Variants in CRB1 observed in about 807,000 individuals in gnomAD.
The protein encoded by CRB1 is protein crumbs homolog 1.
CRB1 carries 83 observed loss-of-function variants against 120.0 expected under a neutral mutation model. That is an observed-to-expected ratio of 0.69 (90% CI 0.58 to 0.83). The LOEUF (loss-of-function observed/expected upper bound fraction) is 0.83. Ranked by LOEUF, CRB1 falls within the 40% of genes least tolerant of loss-of-function variation. The pLI is 0.00. For synonymous variants in CRB1, 625 were observed against 612.5 expected (o/e 1.02, Z -0.30); for missense variants, 1,699 against 1,687.6 (o/e 1.01, Z -0.12).
intron 8 of CRB1, among the ~76,000 whole-genome samples, chr1:197,433,270 G>T (rs1664963199): frequency 6.6e-6 from 1 of 152,048 alleles, no homozygotes; most frequent in Non-Finnish European, 1.5e-5. Context: ...CTAAGGAGTG[G>T]TTGTTATATT....
At chr1:197,400,455 C>A (rs1663005090) in intron 5 of CRB1, among the ~76,000 whole-genome samples, 2 of 146,704 alleles carry the variant, frequency 1.4e-5, no homozygotes, top group South Asian at 2.3e-4. Flanking sequence ...AGTAGCAGAA[C>A]CAGAAGTAAA....
At chr1:197,464,299 G>A (rs1666658585) in intron 11 of CRB1, among the ~76,000 whole-genome samples, 1 of 152,114 alleles carries the variant, frequency 6.6e-6, no homozygotes, top group South Asian at 2.1e-4. Flanking sequence ...AAGAACATGA[G>A]CACTGAGCAC....
At chr1:197,426,758 T>C (rs1217443027) in intron 6 of CRB1, among the ~76,000 whole-genome samples, 1 of 152,144 alleles carries the variant, frequency 6.6e-6, no homozygotes, top group Non-Finnish European at 1.5e-5. Flanking sequence ...TTTTTCCTTG[T>C]TCAACTGCCT....
chr1:197,446,115 G>A (rs1163948083), intron 11 of CRB1, among the ~76,000 whole-genome samples: 3 of 152,104 alleles, frequency 2.0e-5, no homozygotes, highest in Non-Finnish European at 4.4e-5. Flanking sequence ...ACTTTAACCC[G>A]GGAGGTGGAG....
chr1:197,242,663 T>C, the CRB1 span, among the ~76,000 whole-genome samples: 6 of 152,068 alleles, frequency 3.9e-5, no homozygotes, highest in Admixed American at 1.3e-4. Flanking sequence ...TGCCATGTTT[T>C]GTATCAGGAT....
intron 5 of CRB1, among the ~76,000 whole-genome samples, chr1:197,387,950 T>C (rs1341156705): frequency 1.3e-5 from 2 of 151,910 alleles, no homozygotes; most frequent in African/African-American, 2.4e-5. Flanking sequence ...TGAGTATTAG[T>C]ATGTATTTAT....
intron 9 of CRB1, 114 bp downstream of exon 9, chr1:197,435,726 G>T (rs1665128584): frequency 1.1e-6 from 1 of 899,378 alleles, no homozygotes; most frequent in Admixed American, 2.1e-5. Context: ...TGCTGAACAG[G>T]GTGACACTGG....
intron 5 of CRB1, among the ~76,000 whole-genome samples, chr1:197,390,844 C>T (rs960823131): frequency 6.6e-6 from 1 of 151,844 alleles, no homozygotes. Flanking sequence ...GAGACATTTC[C>T]TGTTAAAACT....
At chr1:197,322,937 G>A (rs935289349) in intron 1 of CRB1, among the ~76,000 whole-genome samples, 19 of 152,140 alleles carry the variant, frequency 1.2e-4, no homozygotes, top group African/African-American at 4.3e-4. Flanking sequence ...ACTTGGGGAA[G>A]TTATCTGACA....
chr1:197,429,567 C>G lies in CRB1; in HGVS notation c.2795C>G (p.Pro932Arg). The part of the protein sequence containing the change: ...CEEVQWCGFS[P>R]CPHGAQCQPV... ...GAGGTTCAGTGGTGTGGATTCAGCC[C>G]GTGTCCTCACGGAGCCCAGTGCCAG... Residue 932 changes from proline (P) to arginine (R), a missense_variant, in exon 8 of 12, where the codon CCG (proline) becomes CGG (arginine). Transcript: ENST00000367400. 1 of 1,613,882 alleles carries G rather than the reference C, an allele frequency of 6.2e-7. No individual in the cohort carries two copies. The highest frequency in any genetic ancestry group is 1.1e-5 in the South Asian group (1 of 91,054).
At position 197,452,411 on chromosome 1, in the gene CRB1, C is replaced by T. The variant is rs139870616; in HGVS notation, c.4005+10119C>T. On this transcript the variant is annotated intron_variant, in intron 11 of 11. Coordinates refer to ENST00000367400, the MANE Select transcript of CRB1 (RefSeq NM_201253.3). Reference sequence around the variant, plus strand: ...AAAGTACTTTAAAGAAATATGATGACGAATATCAATTGTCATTATATAGGC... The same window carrying T: ...AAAGTACTTTAAAGAAATATGATGATGAATATCAATTGTCATTATATAGGC... Among the ~76,000 whole-genome samples, 113 of 152,122 alleles carry T rather than the reference C, an allele frequency of 7.4e-4. No homozygotes were observed. In the East Asian group the frequency reaches 0.02, roughly 28 times the overall value.
At chr1:197,312,131 AAT>A (rs1192170939) in intron 1 of CRB1, among the ~76,000 whole-genome samples, 1 of 152,172 alleles carries the variant, frequency 6.6e-6, no homozygotes, top group African/African-American at 2.4e-5. Flanking sequence ...TCCCTGAAAA[AAT>A]ATGTGTATAT....
At chr1:197,351,656 T>A (rs2786101) in intron 4 of CRB1, among the ~76,000 whole-genome samples, 125,516 of 152,122 alleles carry the variant, frequency 0.83, 52,046 homozygotes, top group African/African-American at 0.9. Context: ...ATCTAGTGAG[T>A]AGATTCCTAG....
intron 5 of CRB1, among the ~76,000 whole-genome samples, chr1:197,365,391 AAGT>A (rs1661005582): frequency 6.6e-6 from 1 of 152,008 alleles, no homozygotes; most frequent in African/African-American, 2.4e-5. Context: ...CTCTTGATGG[AAGT>A]GGGGAGTCTC....
chr1:197,280,622 A>G (rs1050471392), intron 1 of CRB1, among the ~76,000 whole-genome samples: 1 of 151,950 alleles, frequency 6.6e-6, no homozygotes, highest in Non-Finnish European at 1.5e-5. Context: ...AAACTCTAAT[A>G]GGCAGTAATG....
chr1:197,317,953 TA>T (rs1434169100), intron 1 of CRB1, among the ~76,000 whole-genome samples: 2 of 151,148 alleles, frequency 1.3e-5, no homozygotes, highest in Non-Finnish European at 2.9e-5. Context: ...TTTTTTTTTG[TA>T]AAAAACCTCA....
At position 197,438,404 on chromosome 1, in the gene CRB1, C is replaced by T. The variant is rs182106164; in HGVS notation, c.3750-143C>T. ...TGGAGAAAGTGATTCTTGCATAATG[C>T]AGCACAATTAAGCATTTGTAGCTCC... On this transcript the variant is annotated intron_variant, in intron 9 of 11. Coordinates refer to ENST00000367400, the MANE Select transcript of CRB1 (RefSeq NM_201253.3). 3.1e-5 allele frequency: 30 copies of T among 961,688 alleles called. No homozygotes were observed. In the Admixed American group the frequency reaches 4.8e-4, roughly 15 times the overall value. The allele number at this position is 961,688 out of a possible 1,614,324, so 59.6% of individuals were successfully genotyped here.
At chr1:197,287,111 A>G (rs372968766) in intron 1 of CRB1, among the ~76,000 whole-genome samples, 1 of 151,894 alleles carries the variant, frequency 6.6e-6, no homozygotes, top group Non-Finnish European at 1.5e-5. Context: ...TAAAATGAGT[A>G]CGTGGAATAT....
intron 11 of CRB1, chr1:197,444,190 T>C (rs1048000134): frequency 6.6e-6 from 1 of 152,222 alleles, no homozygotes; most frequent in African/African-American, 2.4e-5. Flanking sequence ...GCATATAGTA[T>C]GAAGTAATAT....
Sources: gnomAD v4.1 joint callset for allele counts (sites outside exome capture counted in the v4.1 genomes callset) on GRCh38, gnomAD v4.1.1 for gene constraint, MANE v1.5 for transcripts, NCBI Gene and HGNC (gene_info 2026-07-23, HGNC 2026-07-21) for gene names.